EYA1: variants seen among roughly 807,000 people sequenced by gnomAD.
EYA1 encodes the protein EYA transcriptional coactivator and phosphatase 1, also known as protein phosphatase EYA1.
Under a neutral mutation model 82.0 loss-of-function variants are expected in EYA1, and 16 were observed. The observed-to-expected ratio is 0.20, with a 90% CI of 0.13 to 0.30. EYA1 has a LOEUF of 0.30. Ranked by LOEUF, EYA1 falls within the 10% of genes least tolerant of loss-of-function variation. EYA1 has a pLI of 1.00. For synonymous variants in EYA1, 261 were observed against 264.4 expected, an observed-to-expected ratio of 0.99 and a Z score of 0.12; for missense variants, 633 against 730.7, an observed-to-expected ratio of 0.87 and a Z score of 1.54.
intron 11 of EYA1, among the ~76,000 whole-genome samples, chr8:71,267,653 G>A (rs1012409041): frequency 1.2e-4 from 19 of 152,172 alleles, no homozygotes; most frequent in Admixed American, 3.9e-4. Flanking sequence ...GGTTCACGCC[G>A]TTCTCCTGCC....
chr8:71,513,615 T>C (rs557125208), intron 2 of EYA1, among the ~76,000 whole-genome samples: 16 of 152,208 alleles, frequency 1.1e-4, no homozygotes, highest in Admixed American at 5.9e-4. Flanking sequence ...CATTCAGTTA[T>C]CCTCTTTTAG....
At chr8:71,391,604 T>C (rs1336586470) in intron 2 of EYA1, among the ~76,000 whole-genome samples, 4 of 152,214 alleles carry the variant, frequency 2.6e-5, no homozygotes, top group Admixed American at 1.3e-4. Context: ...TATTTTATTT[T>C]TAATTTTGTT....
intron 9 of EYA1, among the ~76,000 whole-genome samples, chr8:71,292,037 A>G (rs181728528): frequency 3.9e-5 from 6 of 152,280 alleles, no homozygotes; most frequent in Non-Finnish European, 8.8e-5. Context: ...TTGATTATAC[A>G]CATGAATCAT....
At position 71,546,762 on chromosome 8, in the gene EYA1, C is replaced by T. The variant is rs532514910; in HGVS notation, c.-73+1102G>A. Among the ~76,000 whole-genome samples, 67 of 152,270 alleles carry T rather than the reference C, an allele frequency of 4.4e-4. No homozygotes were observed. In the South Asian group the frequency reaches 0.014, roughly 31 times the overall value. The stretch of plus-strand genomic sequence containing the variant: ...CAGGCAGTCTGCCCTCCTGGGCCTC[C>T]CACAGTGCTGGGATTACAAGCGTGA... On this transcript the variant is annotated intron_variant, in intron 1 of 18. Coordinates refer to the EYA1 transcript ENST00000643681.
intron 2 of EYA1, among the ~76,000 whole-genome samples, chr8:71,491,749 GC>G (rs2129225244): frequency 6.6e-6 from 1 of 152,258 alleles, no homozygotes; most frequent in East Asian, 1.9e-4. Flanking sequence ...ATCAACTTCT[GC>G]CCCTCAGAGC....
intron 2 of EYA1, among the ~76,000 whole-genome samples, chr8:71,479,494 T>C (rs1304823107): frequency 6.6e-6 from 1 of 152,014 alleles, no homozygotes; most frequent in Non-Finnish European, 1.5e-5. Context: ...TGTAAGGCCA[T>C]GGGGGAGGAA....
At chr8:71,436,692 A>T (rs1806038164) in intron 2 of EYA1, among the ~76,000 whole-genome samples, 1 of 152,174 alleles carries the variant, frequency 6.6e-6, no homozygotes. Context: ...GATTGTAAAA[A>T]TCGGATTAGT....
At chr8:71,428,646 C>T (rs906353878) in intron 2 of EYA1, among the ~76,000 whole-genome samples, 8 of 152,170 alleles carry the variant, frequency 5.3e-5, no homozygotes, top group East Asian at 1.9e-4. Context: ...GAATAAGAAA[C>T]GCTGTTAAAT....
intron 7 of EYA1, among the ~76,000 whole-genome samples, chr8:71,305,945 G>C (rs776307916): frequency 5.3e-5 from 8 of 152,100 alleles, no homozygotes; most frequent in Non-Finnish European, 8.8e-5. Context: ...TTCTTTATAG[G>C]TGCAACTCTA....
In EYA1 at chr8:71,463,631, CT is replaced by C. The variant is rs1425672760; in HGVS notation, c.33+72112del. ...TCTCTCTCTCTCTCTCTCTCTCTCT[CT>C]CCCTCCCTCCCCCCTCCCACACACA... On this transcript the variant is annotated intron_variant, in intron 2 of 18. Transcript: ENST00000643681. Among the ~76,000 whole-genome samples the C allele has an allele frequency of 1.9e-4, 20 of 103,240 alleles. 2 individuals carry two copies. Among genetic ancestry groups the C allele is most frequent in the African/African-American group, 6.0e-4 (14 of 23,176 alleles). 67.7% of individuals were successfully genotyped at this position (103,240 alleles called of 152,430 possible). A position where few individuals can be genotyped will look rare whatever the true frequency, so the allele number is the denominator to read the frequency against.
At chr8:71,472,788 G>GATAGATAT (rs1554592238) in intron 2 of EYA1, among the ~76,000 whole-genome samples, 1 of 126,828 alleles carries the variant, frequency 7.9e-6, no homozygotes, top group Non-Finnish European at 1.6e-5. Context: ...TAGCTTTGAA[G>GATAGATAT]ATATATATAT....
chr8:71,317,755 T>A, intron 6 of EYA1, 66 bp from the exon 7 acceptor site: 1 of 1,476,812 alleles, frequency 6.8e-7, no homozygotes, highest in Admixed American at 1.7e-5. Flanking sequence ...TACAAAAACA[T>A]ACACTTCCAC....
chr8:71,539,322 C>A (rs1453322121), intron 1 of EYA1, among the ~76,000 whole-genome samples: 11 of 152,064 alleles, frequency 7.2e-5, no homozygotes, highest in Non-Finnish European at 1.6e-4. Flanking sequence ...CTGTATGAGA[C>A]CATCTAAGAA....
rs572136154 is a variant in EYA1 at position 71,279,796 on chromosome 8, G to A, written c.827-7899C>T. ...GTACAGGTCACAGGTATATGATGGG[G>A]CACGGAGACTAACTTACCAACACTA... is the stretch of plus-strand genomic sequence containing the variant. On this transcript the variant is annotated intron_variant, in intron 9 of 17. Transcript: ENST00000340726. Among the ~76,000 whole-genome samples, 8 of 152,322 alleles carry A rather than the reference G, an allele frequency of 5.3e-5. No homozygotes were observed. In the East Asian group the frequency reaches 1.5e-3, roughly 29 times the overall value.
chr8:71,371,921 G>A (rs1293642331), intron 2 of EYA1, among the ~76,000 whole-genome samples: 2 of 152,076 alleles, frequency 1.3e-5, no homozygotes, highest in African/African-American at 2.4e-5. Context: ...AAGAGAGCAA[G>A]AAGAGATGGA....
rs142533843 is a variant in EYA1, at chr8:71,289,078, A to T, written c.826+9969T>A. ...TGAGCTGCCATTTGAGTTATTTAAA[A>T]TTTTTTTTAAAAGATAAAGAAAAAA... On this transcript the variant is annotated intron_variant, in intron 9 of 17. Coordinates refer to ENST00000340726, the MANE Select transcript of EYA1 (RefSeq NM_000503.6). 1.6e-3 allele frequency among the ~76,000 whole-genome samples: 239 copies of T among 152,152 alleles called. 1 individual carries two copies. The East Asian group carries it at 0.019, about 12-fold the overall frequency.
chr8:71,242,773 CTTTT>C (rs35413533), intron 12 of EYA1, among the ~76,000 whole-genome samples: 2 of 117,652 alleles, frequency 1.7e-5, no homozygotes, highest in Admixed American at 8.8e-5. Flanking sequence ...AGTTTTGGCA[CTTTT>C]TTTTTTTTTT....
At chr8:71,230,327 C>A (rs890505963) in intron 12 of EYA1, among the ~76,000 whole-genome samples, 1 of 152,188 alleles carries the variant, frequency 6.6e-6, no homozygotes, top group Non-Finnish European at 1.5e-5. Context: ...AAGATCTAAA[C>A]CAAAAGCCTG....
intron 2 of EYA1, among the ~76,000 whole-genome samples, chr8:71,399,223 C>A (rs531822644): frequency 6.1e-4 from 93 of 152,210 alleles, no homozygotes; most frequent in African/African-American, 2.2e-3. Context: ...AAAGGGAATT[C>A]CCTGACCCCT....
Sources: gnomAD v4.1 joint callset for allele counts (sites outside exome capture counted in the v4.1 genomes callset) on GRCh38, gnomAD v4.1.1 for gene constraint, MANE v1.5 for transcripts, NCBI Gene and HGNC (gene_info 2026-07-23, HGNC 2026-07-21) for gene names.